The following KIR2DL1 variants were observed in gnomAD, a reference collection of about 807,000 sequenced individuals.
KIR2DL1 encodes the protein killer cell immunoglobulin-like receptor 2DL1.
In KIR2DL1, 38 loss-of-function variants were observed where a neutral mutation model predicts 33.9. That is an observed-to-expected ratio of 1.12 (90% confidence interval 0.86 to 1.47). KIR2DL1 has a LOEUF of 1.47. Among genes scored for constraint, KIR2DL1 ranks in the 40% most tolerant of loss-of-function variants. KIR2DL1 has a pLI of 0.00. For synonymous variants in KIR2DL1, 179 were observed against 165.9 expected, an observed-to-expected ratio of 1.08 and a Z score of -0.61; for missense variants, 531 against 433.9, an observed-to-expected ratio of 1.22 and a Z score of -1.99.
In KIR2DL1 at chr19:54,778,686, C is replaced by A. The variant is rs765910210; in HGVS notation, c.715+24C>A. 4.0e-6 allele frequency: 6 copies of A among 1,494,908 alleles called. 1 individual carries two copies. The highest frequency in any genetic ancestry group is 2.2e-5 in the East Asian group (1 of 44,570). 92.6% of individuals were successfully genotyped at this position (1,494,908 alleles called of 1,614,324 possible). A position where few individuals can be genotyped will look rare whatever the true frequency, so the allele number is the denominator to read the frequency against. On this transcript the variant is annotated intron_variant, in intron 5 of 7. Coordinates refer to ENST00000336077, the MANE Select transcript of KIR2DL1 (RefSeq NM_014218.3). ...CGGTGAGTACAGAACCCTCTTATAT[C>A]CGCTTTTGGAACCCTGGGGAGGTGG...
In KIR2DL1 at chr19:54,772,230, G is replaced by A. The variant is rs2075814562; in HGVS notation, c.71-1103G>A. On this transcript the variant is annotated intron_variant, in intron 2 of 7. Transcript: ENST00000336077. ...AGTCACAGGGGTCCACATGAAAGGAGGAGGAAGAGGGGAGTGGGGATTACA... is the reference window on the plus strand; with the variant it reads ...AGTCACAGGGGTCCACATGAAAGGAAGAGGAAGAGGGGAGTGGGGATTACA... 2.7e-5 allele frequency among the ~76,000 whole-genome samples: 4 copies of A among 147,478 alleles called. No individual in the cohort carries two copies. In the Admixed American group the frequency reaches 2.8e-4, roughly 10 times the overall value.
At position 54,771,928 on chromosome 19, in the gene KIR2DL1, C is replaced by T. The variant is rs2075774205; in HGVS notation, c.70+1044C>T. On this transcript the variant is annotated intron_variant, in intron 2 of 7. Coordinates refer to ENST00000336077, the MANE Select transcript of KIR2DL1 (RefSeq NM_014218.3). ...CTCCTGTCTGGGATTCTCCTTGTCCCACCTCCTGAATCCCAGAGCTCCTGG... is the reference window on the plus strand; with the variant it reads ...CTCCTGTCTGGGATTCTCCTTGTCCTACCTCCTGAATCCCAGAGCTCCTGG... Among the ~76,000 whole-genome samples, 5 of 147,704 alleles carry T rather than the reference C, an allele frequency of 3.4e-5. No homozygotes were observed. In the South Asian group the frequency reaches 1.1e-3, roughly 32 times the overall value.
chr19:54,778,648 C>T lies in KIR2DL1; in HGVS notation c.701C>T (p.Pro234Leu), dbSNP rs902808785. ...PSNSWPSPTE[P>L]SSKTGNPRHL... ...AATAGTTGGCCTTCACCCACTGAAC[C>T]AAGCTCCAAAACCGGTGAGTACAGA... The change falls in exon 5 of 8, where the codon CCA becomes CTA. Residue 234 changes from proline to leucine, a missense_variant. Pro to Leu is a moderately conservative substitution (Grantham distance 98). Transcript: ENST00000336077. 2 of 1,566,668 alleles carry T rather than the reference C, an allele frequency of 1.3e-6. No homozygotes were observed. Among genetic ancestry groups the T allele is most frequent in the South Asian group, 1.1e-5 (1 of 89,158 alleles).
At position 54,773,490 on chromosome 19, in the gene KIR2DL1, C is replaced by T. The variant is rs774179192; in HGVS notation, c.228C>T (p.His76=). The T allele has an allele frequency of 6.9e-6, 11 of 1,585,554 alleles. 3 individuals are homozygous for T. The highest frequency in any genetic ancestry group is 9.5e-6 in the Non-Finnish European group (11 of 1,157,294). The stretch of plus-strand genomic sequence containing the variant: ...ACACTTTGCGCCTCATTGGAGAACA[C>T]CATGATGGGGTCTCCAAGGCCAACT... The part of the protein sequence containing the change: ...FNDTLRLIGE[H]HDGVSKANFS... The change falls in exon 3 of 8, where the codon CAC becomes CAT. Residue 76 remains histidine (H), a synonymous_variant. Coordinates refer to ENST00000336077, the MANE Select transcript of KIR2DL1 (RefSeq NM_014218.3).
chr19:54,779,070 C>A lies in KIR2DL1; in HGVS notation c.715+408C>A. On this transcript the variant is annotated intron_variant, in intron 5 of 7. Transcript: ENST00000336077. Reference sequence around the variant, plus strand: ...GAATGAGCTCCTGTAGGTCATGAAGCAACCCTGGCTGACTCCGCAGAGAAA... The same window carrying A: ...GAATGAGCTCCTGTAGGTCATGAAGAAACCCTGGCTGACTCCGCAGAGAAA... Among the ~76,000 whole-genome samples the A allele has an allele frequency of 1.4e-5, 2 of 147,316 alleles. 1 individual carries two copies. The highest frequency in any genetic ancestry group is 3.0e-5 in the Non-Finnish European group (2 of 65,950).
intron 4 of KIR2DL1, among the ~76,000 whole-genome samples, chr19:54,775,955 A>G (rs2076283646): frequency 6.8e-6 from 1 of 146,376 alleles, no homozygotes; most frequent in African/African-American, 2.5e-5. Context: ...GCAGTGGCAC[A>G]ATCTCAGCTC....
intron 2 of KIR2DL1, among the ~76,000 whole-genome samples, chr19:54,772,424 A>G (rs2075842083): frequency 6.9e-6 from 1 of 145,520 alleles, no homozygotes; most frequent in African/African-American, 2.5e-5. Context: ...ACAGGGTCCG[A>G]TTTCTGTCTC....
chr19:54,778,647 C>T lies in KIR2DL1; in HGVS notation c.700C>T (p.Pro234Ser), dbSNP rs200537462. 223 of 1,566,916 alleles carry T rather than the reference C, an allele frequency of 1.4e-4. 11 individuals are homozygous for T. In the East Asian group the frequency reaches 4.8e-3, roughly 34 times the overall value. The change falls in exon 5 of 8, where the codon CCA (proline) becomes TCA (serine). Residue 234 changes from proline to serine, a missense_variant. Pro to Ser is a moderately conservative substitution (Grantham distance 74). Transcript: ENST00000336077. ...AAATAGTTGGCCTTCACCCACTGAACCAAGCTCCAAAACCGGTGAGTACAG... is the reference window on the plus strand; with the variant it reads ...AAATAGTTGGCCTTCACCCACTGAATCAAGCTCCAAAACCGGTGAGTACAG... ...PSNSWPSPTE[P>S]SSKTGNPRHL...
At chr19:54,770,692 G>A (rs748203166) in intron 1 of KIR2DL1, among the ~76,000 whole-genome samples, 157 bp from the exon 2 acceptor site, 2,512 of 147,924 alleles carry the variant, frequency 0.017, 234 homozygotes, top group Non-Finnish European at 0.025. Context: ...TCTCTGCACA[G>A]CCGACAGCCC....
rs199721767 is a variant in KIR2DL1 at position 54,776,763 on chromosome 19, C to A, written c.664+1305C>A. 7.3e-3 allele frequency among the ~76,000 whole-genome samples: 1,064 copies of A among 146,504 alleles called. 58 individuals carry two copies. In the East Asian group the frequency reaches 0.16, roughly 22 times the overall value. On this transcript the variant is annotated intron_variant, in intron 4 of 7. Coordinates refer to ENST00000336077, the MANE Select transcript of KIR2DL1 (RefSeq NM_014218.3). ...TCAAATGATTTTCCTGCCTCAGCCT[C>A]CCTAGTAGCTGGGATTACAGGTGCA... is the stretch of plus-strand genomic sequence containing the variant.
At chr19:54,771,728 G>C (rs1600703384) in intron 2 of KIR2DL1, among the ~76,000 whole-genome samples, 2 of 148,398 alleles carry the variant, frequency 1.3e-5, no homozygotes, top group South Asian at 4.3e-4. Flanking sequence ...GTAAAAGGAA[G>C]ATGGGGTGCC....
At chr19:54,782,511 G>T (rs940800665) in intron 5 of KIR2DL1, among the ~76,000 whole-genome samples, 1 of 152,062 alleles carries the variant, frequency 6.6e-6, no homozygotes, top group Admixed American at 6.5e-5. Context: ...AGGGGGAGGG[G>T]GAGTGATGGA....
intron 5 of KIR2DL1, among the ~76,000 whole-genome samples, chr19:54,780,543 A>G (rs626725): frequency 0.018 from 2,479 of 136,534 alleles, 127 homozygotes; most frequent in African/African-American, 0.061. Flanking sequence ...CCTCGGGGTA[A>G]CCAGGAATCC....
In KIR2DL1 at chr19:54,783,106, A is replaced by T. The variant is rs369090721; in HGVS notation, c.817+83A>T. 985 of 1,440,704 alleles carry T rather than the reference A, an allele frequency of 6.8e-4. No homozygotes were observed. The African/African-American group carries it at 0.012, about 17-fold the overall frequency. 89.2% of individuals were successfully genotyped at this position (1,440,704 alleles called of 1,614,324 possible). A position where few individuals can be genotyped will look rare whatever the true frequency, so the allele number is the denominator to read the frequency against. ...GAGCACTCAGGTGTGTGTTCCTCAC[A>T]AACAGGATGGTCCCTGGCCCAAGGC... On this transcript the variant is annotated intron_variant, in intron 6 of 7. Coordinates refer to ENST00000336077, the MANE Select transcript of KIR2DL1 (RefSeq NM_014218.3).
chr19:54,780,340 A>G (rs1362933107), intron 5 of KIR2DL1, among the ~76,000 whole-genome samples: 1 of 133,586 alleles, frequency 7.5e-6, no homozygotes, highest in African/African-American at 2.9e-5. Context: ...GATTTTGCAC[A>G]CACAGCTGTC....
At chr19:54,781,114 T>C (rs2076878627) in intron 5 of KIR2DL1, among the ~76,000 whole-genome samples, 1 of 95,546 alleles carries the variant, frequency 1.0e-5, no homozygotes, top group Non-Finnish European at 2.1e-5. Context: ...TAGGTGGAGG[T>C]TGCAGTGAGT....
chr19:54,770,716 A>G, intron 1 of KIR2DL1, 133 bp from the exon 2 acceptor site: 2 of 1,290,510 alleles, frequency 1.5e-6, no homozygotes, highest in South Asian at 1.2e-5. Flanking sequence ...TCTTGGGTGC[A>G]GGTAGGCACT....
chr19:54,781,845 T>C (rs999465398), intron 5 of KIR2DL1, among the ~76,000 whole-genome samples: 1 of 151,988 alleles, frequency 6.6e-6, no homozygotes, highest in Non-Finnish European at 1.5e-5. Context: ...TCAAGAATGC[T>C]GTGGATGTAG....
rs745719124 is a variant in KIR2DL1 at position 54,773,623 on chromosome 19, G to A, written c.361G>A (p.Val121Met). Residue 121 changes from valine to methionine, a missense_variant, in exon 3 of 8, where the codon GTG (valine) becomes ATG (methionine). Transcript: ENST00000336077. ...VSAPSDPLDI[V>M]IIGLYEKPSL... Reference sequence around the variant, plus strand: ...AGCTCCCAGTGACCCTCTGGACATCGTGATCATAGGTGAGAGTGTCCAGAC... The same window carrying A: ...AGCTCCCAGTGACCCTCTGGACATCATGATCATAGGTGAGAGTGTCCAGAC... 25 of 1,571,834 alleles carry A rather than the reference G, an allele frequency of 1.6e-5. 3 individuals carry two copies. Among genetic ancestry groups the A allele is most frequent in the South Asian group, 6.7e-5 (6 of 90,096 alleles).
Sources: gnomAD v4.1 joint callset for allele counts (sites outside exome capture counted in the v4.1 genomes callset) on GRCh38, gnomAD v4.1.1 for gene constraint, MANE v1.5 for transcripts, NCBI Gene and HGNC (gene_info 2026-07-23, HGNC 2026-07-21) for gene names.